The following DGKI variants were observed in gnomAD, a reference collection of about 807,000 sequenced individuals.
DGKI encodes the protein diacylglycerol kinase iota, also known as DAG kinase iota.
Under a neutral mutation model 147.5 loss-of-function variants are expected in DGKI, and 55 were observed. The ratio of observed to expected loss-of-function variants is 0.37; its 90% CI spans 0.30 to 0.47. DGKI has a LOEUF of 0.47. Ranked by LOEUF, DGKI falls within the 20% of genes least tolerant of loss-of-function variation. The pLI, the probability that DGKI is intolerant of heterozygous loss-of-function variation, is 1.00. For synonymous variants in DGKI, 469 were observed against 477.1 expected (o/e 0.98, Z 0.22); for missense variants, 1,007 against 1,323.8 (o/e 0.76, Z 3.71).
intron 28 of DGKI, among the ~76,000 whole-genome samples, chr7:137,443,706 A>G (rs1316427700): frequency 1.3e-5 from 2 of 152,184 alleles, no homozygotes; most frequent in Non-Finnish European, 2.9e-5. Context: ...ACTGTAGGGA[A>G]TATCTACCAC....
chr7:137,675,683 CAAAAAAAA>C (rs61282606), intron 3 of DGKI, among the ~76,000 whole-genome samples: 6 of 107,698 alleles, frequency 5.6e-5, no homozygotes, highest in Admixed American at 2.0e-4. Context: ...AGACTACATC[CAAAAAAAA>C]AAAAAAAAAA....
At chr7:137,556,712 A>T (rs1298365405) in intron 19 of DGKI, among the ~76,000 whole-genome samples, 1 of 152,174 alleles carries the variant, frequency 6.6e-6, no homozygotes, top group African/African-American at 2.4e-5. Context: ...CATGAACAGA[A>T]TAATTCAATA....
intron 1 of DGKI, among the ~76,000 whole-genome samples, chr7:137,782,299 C>T (rs547376597): frequency 1.1e-4 from 16 of 152,114 alleles, no homozygotes; most frequent in East Asian, 1.9e-4. Context: ...GCTGTGTGGA[C>T]GATGGGTGAG....
chr7:137,795,035 G>T (rs1289019346), intron 1 of DGKI, among the ~76,000 whole-genome samples: 1 of 152,110 alleles, frequency 6.6e-6, no homozygotes, highest in Non-Finnish European at 1.5e-5. Flanking sequence ...AGTCAGTCCT[G>T]ATATGAAAAC....
chr7:137,714,387 G>C (rs1794314291), intron 1 of DGKI, among the ~76,000 whole-genome samples: 1 of 152,114 alleles, frequency 6.6e-6, no homozygotes, highest in Admixed American at 6.5e-5. Context: ...TATAATGTGA[G>C]TGCCCATCAT....
chr7:137,714,129 G>T (rs1392408029), intron 1 of DGKI, among the ~76,000 whole-genome samples: 13 of 152,006 alleles, frequency 8.6e-5, no homozygotes, highest in Admixed American at 8.5e-4. Flanking sequence ...TTTTTTAATA[G>T]ATTCTTTCTG....
intron 1 of DGKI, among the ~76,000 whole-genome samples, chr7:137,742,753 T>G (rs1795215347): frequency 6.6e-6 from 1 of 152,172 alleles, no homozygotes; most frequent in Non-Finnish European, 1.5e-5. Flanking sequence ...AAAGGAAAAT[T>G]TAATTGTGTG....
intron 17 of DGKI, among the ~76,000 whole-genome samples, chr7:137,576,057 T>C (rs1818960778): frequency 6.6e-6 from 1 of 151,024 alleles, no homozygotes; most frequent in Non-Finnish European, 1.5e-5. Flanking sequence ...TTTTTTTTTT[T>C]AGACGGAGTG....
intron 1 of DGKI, among the ~76,000 whole-genome samples, chr7:137,783,953 G>T (rs1385834673): frequency 6.6e-6 from 1 of 152,116 alleles, no homozygotes; most frequent in Non-Finnish European, 1.5e-5. Context: ...TCCCAAGTCA[G>T]CATTACAAGA....
At chr7:137,712,016 G>GC (rs1411882688) in intron 1 of DGKI, among the ~76,000 whole-genome samples, 1 of 152,030 alleles carries the variant, frequency 6.6e-6, no homozygotes, top group Non-Finnish European at 1.5e-5. Flanking sequence ...TCTGAGGATT[G>GC]CTTTTGAGTT....
chr7:137,569,510 C>T (rs765395728), intron 19 of DGKI, among the ~76,000 whole-genome samples: 93 of 151,706 alleles, frequency 6.1e-4, no homozygotes, highest in Non-Finnish European at 1.1e-3. Context: ...GGGTGGACCA[C>T]GAGGTCAGGA....
chr7:137,463,660 G>A (rs753362504), intron 26 of DGKI, 49 bp from the exon 27 acceptor site: 4 of 1,591,392 alleles, frequency 2.5e-6, no homozygotes, highest in South Asian at 1.1e-5. Flanking sequence ...AGTCAGCCAC[G>A]TGACTTCGTT....
intron 19 of DGKI, among the ~76,000 whole-genome samples, chr7:137,559,519 A>G (rs1430124146): frequency 6.7e-6 from 1 of 148,530 alleles, no homozygotes; most frequent in Non-Finnish European, 1.5e-5. Context: ...CATTTGAAAA[A>G]CCTCCCTTCT....
At chr7:137,414,300 A>C (rs1812277262) in intron 28 of DGKI, among the ~76,000 whole-genome samples, 1 of 152,182 alleles carries the variant, frequency 6.6e-6, no homozygotes, top group African/African-American at 2.4e-5. Flanking sequence ...TGAACATCAG[A>C]GGAAAAAGAA....
intron 19 of DGKI, among the ~76,000 whole-genome samples, chr7:137,570,568 A>T (rs1198429981): frequency 6.6e-6 from 1 of 151,676 alleles, no homozygotes; most frequent in Non-Finnish European, 1.5e-5. Flanking sequence ...CTTCTGTGCC[A>T]ATGCTGGGAT....
intron 31 of DGKI, 25 bp downstream of exon 31, chr7:137,397,352 C>T: frequency 6.2e-7 from 1 of 1,608,566 alleles, no homozygotes; most frequent in Non-Finnish European, 8.5e-7. Context: ...ATAACCTAGA[C>T]TATGTAATAA....
At chr7:137,733,746 G>A (rs888461548) in intron 1 of DGKI, among the ~76,000 whole-genome samples, 3 of 152,048 alleles carry the variant, frequency 2.0e-5, no homozygotes, top group African/African-American at 4.8e-5. Context: ...CTCAAAAGGT[G>A]GAGATGGGAT....
intron 28 of DGKI, among the ~76,000 whole-genome samples, chr7:137,429,727 T>C (rs1812982758): frequency 7.0e-6 from 1 of 143,342 alleles, no homozygotes. Flanking sequence ...AACAACCCCA[T>C]CAAAAAGTGG....
intron 19 of DGKI, among the ~76,000 whole-genome samples, chr7:137,562,721 A>G (rs138897929): frequency 1.6e-3 from 241 of 152,344 alleles, no homozygotes; most frequent in African/African-American, 5.6e-3. Context: ...TGAAATATTT[A>G]ACTTAATAAA....
Sources: allele counts gnomAD v4.1 joint callset (sites outside exome capture counted in the v4.1 genomes callset), GRCh38; gene constraint gnomAD v4.1.1; transcripts MANE v1.5; gene names NCBI Gene and HGNC (gene_info 2026-07-23, HGNC 2026-07-21).